Variants in MYLK observed in about 807,000 individuals in gnomAD.
MYLK encodes myosin light chain kinase, smooth muscle.
MYLK carries 106 observed loss-of-function variants against 203.4 expected under a neutral mutation model. The ratio of observed to expected loss-of-function variants is 0.52; its 90% CI spans 0.45 to 0.61. MYLK has a LOEUF of 0.61. MYLK is among the 20% of genes least tolerant of loss of function. The pLI, the probability that MYLK is intolerant of heterozygous loss-of-function variation, is 0.00. For synonymous variants in MYLK, 867 were observed against 959.5 expected, an observed-to-expected ratio of 0.90 and a Z score of 1.78; for missense variants, 2,072 against 2,442.3, an observed-to-expected ratio of 0.85 and a Z score of 3.20.
chr3:123,670,387 T>A (rs1038789554), intron 20 of MYLK, among the ~76,000 whole-genome samples: 4 of 152,042 alleles, frequency 2.6e-5, no homozygotes, highest in Admixed American at 1.3e-4. Context: ...ATCAGGGTGA[T>A]GTTTGGTGGA....
intron 23 of MYLK, among the ~76,000 whole-genome samples, chr3:123,663,361 T>C (rs1242439109): frequency 1.3e-5 from 2 of 151,768 alleles, no homozygotes; most frequent in Non-Finnish European, 2.9e-5. Flanking sequence ...TGGGAGGTCA[T>C]GGTGACCTCA....
chr3:123,839,089 A>G (rs2066535015), intron 2 of MYLK, among the ~76,000 whole-genome samples: 1 of 151,960 alleles, frequency 6.6e-6, no homozygotes, highest in Non-Finnish European at 1.5e-5. Flanking sequence ...GCGAGACTCC[A>G]CCTTAAACAA....
At chr3:123,865,926 C>T (rs2032298609) in intron 2 of MYLK, among the ~76,000 whole-genome samples, 1 of 152,172 alleles carries the variant, frequency 6.6e-6, no homozygotes, top group South Asian at 2.1e-4. Context: ...TCCAGAAACC[C>T]AGCCACCATG....
At chr3:123,752,698 T>A (rs903798594) in intron 4 of MYLK, among the ~76,000 whole-genome samples, 160 bp from the exon 5 acceptor site, 4 of 151,958 alleles carry the variant, frequency 2.6e-5, no homozygotes, top group Admixed American at 2.0e-4. Flanking sequence ...GTACAGAGAG[T>A]TTTGGCAATT....
chr3:123,819,745 T>C (rs921052650), intron 3 of MYLK, among the ~76,000 whole-genome samples: 1 of 151,960 alleles, frequency 6.6e-6, no homozygotes, highest in Non-Finnish European at 1.5e-5. Flanking sequence ...TCTTCTGGAT[T>C]GTAATTCAAA....
At chr3:123,707,134 A>C (rs2061490796) in intron 16 of MYLK, among the ~76,000 whole-genome samples, 1 of 152,176 alleles carries the variant, frequency 6.6e-6, no homozygotes, top group African/African-American at 2.4e-5. Context: ...CCCCACGGAG[A>C]GGTCCACAAC....
intron 3 of MYLK, among the ~76,000 whole-genome samples, chr3:123,799,182 T>C (rs1029320133): frequency 3.5e-5 from 5 of 141,470 alleles, no homozygotes; most frequent in African/African-American, 1.0e-4. Flanking sequence ...TTACCCCCCT[T>C]ACCCCTCACC....
At chr3:123,688,553 T>A (rs538196829) in intron 19 of MYLK, among the ~76,000 whole-genome samples, 1 of 152,270 alleles carries the variant, frequency 6.6e-6, no homozygotes, top group African/African-American at 2.4e-5. Flanking sequence ...TGGACATGAG[T>A]GATCCTTCAT....
chr3:123,728,319 T>G (rs1389571554), intron 11 of MYLK, among the ~76,000 whole-genome samples: 1 of 152,060 alleles, frequency 6.6e-6, no homozygotes, highest in African/African-American at 2.4e-5. Flanking sequence ...CTGGGAAACA[T>G]AGCAAGACTC....
At chr3:123,818,431 T>A (rs1236312846) in intron 3 of MYLK, among the ~76,000 whole-genome samples, 1 of 152,172 alleles carries the variant, frequency 6.6e-6, no homozygotes, top group Non-Finnish European at 1.5e-5. Context: ...ACAGGGAACC[T>A]GTAATCCCAG....
chr3:123,700,715 A>C lies in MYLK; in HGVS notation c.2753T>G (p.Ile918Ser), dbSNP rs1208274446. The change falls in exon 18 of 34, where the codon ATC (isoleucine) becomes AGC (serine). Residue 918 changes from isoleucine (I) to serine (S), a missense_variant. Coordinates refer to ENST00000360304, the MANE Select transcript of MYLK (RefSeq NM_053025.4). ...KTLSEDDLKE[I>S]PAEQMDFRAN... is the part of the protein sequence containing the mutation. ...ACGGAAATCCATCTGCTCGGCTGGG[A>C]TCTCCTTCAGGTCGTCTTCCGATAG... 6.2e-7 allele frequency: 1 copy of C among 1,613,778 alleles called. No homozygotes were observed. The highest frequency in any genetic ancestry group is 2.2e-5 in the East Asian group (1 of 44,834).
Position 123,622,397 on chromosome 3 carries a change from G to A in MYLK, c.5239-2061C>T, listed in dbSNP as rs1048386495. ...CTGCAGTTCCAGACCTCTACAGAAC[G>A]ACTCTGGTTTATATCCATAAATGTG... On this transcript the variant is annotated intron_variant, in intron 31 of 33. Transcript: ENST00000360304. 9 of 152,190 alleles carry A rather than the reference G, an allele frequency of 5.9e-5. 1 individual carries two copies. The South Asian group carries it at 6.2e-4, about 10-fold the overall frequency. 9.4% of individuals were successfully genotyped at this position (152,190 alleles called of 1,614,324 possible).
intron 10 of MYLK, 61 bp from the exon 11 acceptor site, chr3:123,733,163 A>T: frequency 6.4e-7 from 1 of 1,561,532 alleles, no homozygotes; most frequent in East Asian, 2.3e-5. Context: ...TGTGATTGTG[A>T]GGTAGGTGGG....
chr3:123,859,169 T>G (rs1005392112), intron 2 of MYLK, among the ~76,000 whole-genome samples: 1 of 152,242 alleles, frequency 6.6e-6, no homozygotes, highest in African/African-American at 2.4e-5. Context: ...TGCATTCTAA[T>G]GGCTTTCAAA....
intron 2 of MYLK, among the ~76,000 whole-genome samples, chr3:123,867,147 T>C (rs1042529324): frequency 1.4e-4 from 21 of 152,068 alleles, no homozygotes; most frequent in Admixed American, 9.8e-4. Flanking sequence ...CTGTCCAGCA[T>C]TCCCACCAGT....
At chr3:123,842,909 G>A (rs1007649485) in intron 2 of MYLK, among the ~76,000 whole-genome samples, 2 of 152,224 alleles carry the variant, frequency 1.3e-5, no homozygotes, top group Non-Finnish European at 2.9e-5. Context: ...GCAAGACTAT[G>A]TCTAATCCAG....
At chr3:123,862,329 T>C in intron 2 of MYLK, among the ~76,000 whole-genome samples, 1 of 152,248 alleles carries the variant, frequency 6.6e-6, no homozygotes, top group East Asian at 1.9e-4. Context: ...ATTCTTAAAA[T>C]ACTGAATCTT....
At chr3:123,739,409 T>C (rs1222008605) in intron 6 of MYLK, among the ~76,000 whole-genome samples, 2 of 152,166 alleles carry the variant, frequency 1.3e-5, no homozygotes, top group Non-Finnish European at 2.9e-5. Flanking sequence ...AAGAACCTCC[T>C]GTGAGGCTCT....
At chr3:123,848,340 T>C (rs1040076737) in intron 2 of MYLK, among the ~76,000 whole-genome samples, 4 of 152,096 alleles carry the variant, frequency 2.6e-5, no homozygotes, top group Non-Finnish European at 5.9e-5. Flanking sequence ...CTTCCTTTGT[T>C]TCCTTCCTTC....
Sources: allele counts gnomAD v4.1 joint callset (sites outside exome capture counted in the v4.1 genomes callset), GRCh38; gene constraint gnomAD v4.1.1; transcripts MANE v1.5; gene names NCBI Gene and HGNC (gene_info 2026-07-23, HGNC 2026-07-21).